The following MAN1A1 variants were observed in gnomAD, a reference collection of about 807,000 sequenced individuals.
MAN1A1 encodes mannosidase alpha class 1A member 1.
In MAN1A1, 29 loss-of-function variants were observed where a neutral mutation model predicts 70.8. The ratio of observed to expected loss-of-function variants is 0.41; its 90% CI spans 0.31 to 0.56. The LOEUF (loss-of-function observed/expected upper bound fraction) is 0.56, where lower values mean the gene tolerates loss of function less well. MAN1A1 is among the 20% of genes least tolerant of loss of function. MAN1A1 has a pLI of 0.29. For missense variants in MAN1A1, 747 were observed against 841.3 expected (o/e 0.89, Z 1.39); for synonymous variants, 349 against 330.1 (o/e 1.06, Z -0.62).
At chr6:119,222,856 C>T (rs1280611139) in intron 6 of MAN1A1, among the ~76,000 whole-genome samples, 2 of 152,074 alleles carry the variant, frequency 1.3e-5, no homozygotes, top group East Asian at 1.9e-4. Flanking sequence ...TTCTCCTTGC[C>T]CCATAATCTC....
intron 5 of MAN1A1, among the ~76,000 whole-genome samples, chr6:119,249,771 G>A (rs116472289): frequency 6.6e-6 from 1 of 152,014 alleles, no homozygotes; most frequent in African/African-American, 2.4e-5. Context: ...TACCAATGTT[G>A]AGGCTACTTC....
In MAN1A1 at chr6:119,330,155, T is replaced by C. The variant is rs528366535; in HGVS notation, c.603+18308A>G. Among the ~76,000 whole-genome samples, 5 of 152,294 alleles carry C rather than the reference T, an allele frequency of 3.3e-5. No homozygotes were observed. The East Asian group carries it at 7.7e-4, about 24-fold the overall frequency. On this transcript the variant is annotated intron_variant, in intron 2 of 12. Coordinates refer to ENST00000368468, the MANE Select transcript of MAN1A1 (RefSeq NM_005907.4). The stretch of plus-strand genomic sequence containing the variant: ...CCCTAATAGATCTTATTTATTTCCA[T>C]AGTTTGATGGCCTCAAGATTGGCAT...
chr6:119,199,405 A>AACAC (rs1446519772), intron 8 of MAN1A1, among the ~76,000 whole-genome samples: 1 of 152,150 alleles, frequency 6.6e-6, no homozygotes, highest in African/African-American at 2.4e-5. Context: ...TGCAACTCAA[A>AACAC]ACACCCAAGA....
In MAN1A1 at chr6:119,348,967, G is replaced by A. The variant is rs766112781; in HGVS notation, c.99C>T (p.Pro33=). The change falls in exon 2 of 13, where the codon CCC becomes CCT. Residue 33 remains proline (P), a synonymous_variant. Coordinates refer to ENST00000368468, the MANE Select transcript of MAN1A1 (RefSeq NM_005907.4). ...ACTTCTCCGTCAGGCGGAGGGCGGCGGGGCCCGACCCCTTCCTGCCACCGC... is the reference window on the plus strand; with the variant it reads ...ACTTCTCCGTCAGGCGGAGGGCGGCAGGGCCCGACCCCTTCCTGCCACCGC... ...GGGGGRKGSG[P]AALRLTEKFV... is the part of the protein sequence containing the mutation. The A allele has an allele frequency of 1.9e-5, 29 of 1,518,600 alleles. No homozygotes were observed. Among genetic ancestry groups the A allele is most frequent in the Non-Finnish European group, 2.3e-5 (26 of 1,132,528 alleles). The allele number at this position is 1,518,600 out of a possible 1,614,324, so 94.1% of individuals were successfully genotyped here. A position where few individuals can be genotyped will look rare whatever the true frequency, so the allele number is the denominator to read the frequency against.
chr6:119,308,011 C>T (rs949290019), intron 2 of MAN1A1, among the ~76,000 whole-genome samples: 1 of 152,156 alleles, frequency 6.6e-6, no homozygotes, highest in African/African-American at 2.4e-5. Context: ...CTTCCTAACT[C>T]ACCACTATTA....
At chr6:119,229,600 T>C (rs1774619670) in intron 6 of MAN1A1, among the ~76,000 whole-genome samples, 2 of 152,336 alleles carry the variant, frequency 1.3e-5, no homozygotes, top group South Asian at 4.1e-4. Context: ...TGAAAATCAA[T>C]GGCATCCACT....
At chr6:119,248,419 A>G in intron 5 of MAN1A1, 65 bp from the exon 6 acceptor site, 1 of 811,998 alleles carries the variant, frequency 1.2e-6, no homozygotes, top group African/African-American at 1.7e-5. Flanking sequence ...CTATACTATT[A>G]TCTAATAGTT....
chr6:119,297,323 T>C (rs555322759), intron 4 of MAN1A1, among the ~76,000 whole-genome samples: 1 of 152,232 alleles, frequency 6.6e-6, no homozygotes, highest in East Asian at 1.9e-4. Context: ...CAGCTGAGTA[T>C]AGCACAGACT....
chr6:119,290,786 CAT>C (rs777604503), intron 4 of MAN1A1, 23 bp from the exon 5 acceptor site: 1 of 1,447,536 alleles, frequency 6.9e-7, no homozygotes, highest in Non-Finnish European at 9.7e-7. Flanking sequence ...AAAATTCAAA[CAT>C]GATGATAGTA....
At chr6:119,323,611 G>A (rs1374190780) in intron 2 of MAN1A1, among the ~76,000 whole-genome samples, 1 of 152,130 alleles carries the variant, frequency 6.6e-6, no homozygotes, top group African/African-American at 2.4e-5. Flanking sequence ...ATGGGAATGT[G>A]CCCAGGTTCT....
At chr6:119,210,837 A>G in intron 6 of MAN1A1, 2 of 445,834 alleles carry the variant, frequency 4.5e-6, no homozygotes, top group African/African-American at 2.0e-5. Flanking sequence ...ATAAACATCC[A>G]CTACTTACAG....
intron 9 of MAN1A1, among the ~76,000 whole-genome samples, chr6:119,192,531 C>T (rs928310644): frequency 3.3e-5 from 5 of 152,112 alleles, no homozygotes; most frequent in South Asian, 2.1e-4. Flanking sequence ...TAAAAAAGTA[C>T]GCCTATGTCA....
chr6:119,264,056 A>T (rs781141919), intron 5 of MAN1A1, among the ~76,000 whole-genome samples: 31 of 152,224 alleles, frequency 2.0e-4, no homozygotes, highest in Admixed American at 2.6e-4. Flanking sequence ...CTAACTTTTT[A>T]AAAAAGAATT....
In MAN1A1 at chr6:119,179,666, C is replaced by A; in HGVS notation, c.*153G>T. 1 of 593,888 alleles carries A rather than the reference C, an allele frequency of 1.7e-6. No individual in the cohort carries two copies. The highest frequency in any genetic ancestry group is 2.8e-6 in the Non-Finnish European group (1 of 353,382). 36.8% of individuals were successfully genotyped at this position (593,888 alleles called of 1,614,324 possible). A position where few individuals can be genotyped will look rare whatever the true frequency, so the allele number is the denominator to read the frequency against. ...GATAAGGAATTTAGGTCCACCTATA[C>A]CTATGATAATAAACATAAAAGACTG... is the stretch of plus-strand genomic sequence containing the variant. On this transcript the variant is annotated 3_prime_UTR_variant, in exon 13 of 13. Coordinates refer to ENST00000368468, the MANE Select transcript of MAN1A1 (RefSeq NM_005907.4).
At chr6:119,315,574 T>C (rs1772828806) in intron 2 of MAN1A1, among the ~76,000 whole-genome samples, 1 of 152,198 alleles carries the variant, frequency 6.6e-6, no homozygotes, top group South Asian at 2.1e-4. Context: ...CTTGTGCTGT[T>C]ACCAAATGGC....
In MAN1A1 at chr6:119,204,765, A is replaced by G. The variant is rs202241653; in HGVS notation, c.1110T>C (p.Ala370=). ...LSHLSGNPIF[A]EKVMNIRTVL... ...GCACATTGAAGAATCTCACCTTTTC[A>G]GCAAAGATGGGGTTTCCTGATAAGT... The change falls in exon 7 of 13, where the codon GCT becomes GCC. Residue 370 remains alanine (A), a synonymous_variant. Transcript: ENST00000368468. 5 of 1,613,952 alleles carry G rather than the reference A, an allele frequency of 3.1e-6. No individual in the cohort carries two copies. In the African/African-American group the frequency reaches 5.3e-5, roughly 17 times the overall value.
rs137964748 is a variant in MAN1A1, at chr6:119,316,268, C to T, written c.604-9276G>A. ...TCTTGGCTCACTGCAATCTCCACCT[C>T]CCGCGTTCAAGCGATTGTCCTGCCT... is the stretch of plus-strand genomic sequence containing the variant. On this transcript the variant is annotated intron_variant, in intron 2 of 12. Transcript: ENST00000368468. 5.7e-3 allele frequency among the ~76,000 whole-genome samples: 857 copies of T among 149,456 alleles called. 27 individuals are homozygous for T. The East Asian group carries it at 0.089, about 15-fold the overall frequency.
At chr6:119,341,308 G>A (rs1350024222) in intron 2 of MAN1A1, among the ~76,000 whole-genome samples, 1 of 152,134 alleles carries the variant, frequency 6.6e-6, no homozygotes, top group Non-Finnish European at 1.5e-5. Context: ...CCTCTAGGAT[G>A]GTCTCAGTGG....
intron 3 of MAN1A1, among the ~76,000 whole-genome samples, chr6:119,302,449 T>A (rs977928201): frequency 6.6e-6 from 1 of 151,840 alleles, no homozygotes; most frequent in African/African-American, 2.4e-5. Flanking sequence ...TGGCGCGATC[T>A]CAGCAAATTG....
Sources: allele counts gnomAD v4.1 joint callset (sites outside exome capture counted in the v4.1 genomes callset), GRCh38; gene constraint gnomAD v4.1.1; transcripts MANE v1.5; gene names NCBI Gene and HGNC (gene_info 2026-07-23, HGNC 2026-07-21).